Variants in TRIM33 observed in about 807,000 individuals in gnomAD.
TRIM33 encodes the protein tripartite motif containing 33, also known as E3 ubiquitin-protein ligase TRIM33.
TRIM33 carries 20 observed loss-of-function variants against 125.4 expected under a neutral mutation model. That is an observed-to-expected ratio of 0.16 (90% CI 0.11 to 0.23). The LOEUF (loss-of-function observed/expected upper bound fraction) is 0.23, where lower values mean the gene tolerates loss of function less well. TRIM33 is among the 10% of genes least tolerant of loss of function. The probability of loss-of-function intolerance (pLI) is 1.00; values close to 1 mark genes in which losing one functional copy is unlikely to be tolerated. For missense variants in TRIM33, 920 were observed against 1,411.4 expected, an observed-to-expected ratio of 0.65 and a Z score of 5.58; for synonymous variants, 564 against 513.9, an observed-to-expected ratio of 1.10 and a Z score of -1.32.
At chr1:114,497,817 G>C (rs1652459822) in intron 1 of TRIM33, among the ~76,000 whole-genome samples, 1 of 151,506 alleles carries the variant, frequency 6.6e-6, no homozygotes, top group Non-Finnish European at 1.5e-5. Flanking sequence ...CCTCATTCAA[G>C]TGGGGAGACA....
intron 15 of TRIM33, 132 bp downstream of exon 15, chr1:114,405,278 A>G (rs926561790): frequency 1.5e-5 from 10 of 671,118 alleles, no homozygotes; most frequent in Middle Eastern, 3.1e-4. Flanking sequence ...GCTAATACCA[A>G]AAGAATAACA....
chr1:114,481,907 C>A (rs953488653), intron 1 of TRIM33, among the ~76,000 whole-genome samples: 1 of 151,838 alleles, frequency 6.6e-6, no homozygotes, highest in Admixed American at 6.6e-5. Context: ...TACAGATGTG[C>A]GCCACCATGC....
chr1:114,452,160 G>C (rs1381099849), intron 4 of TRIM33, among the ~76,000 whole-genome samples: 1 of 152,032 alleles, frequency 6.6e-6, no homozygotes, highest in Non-Finnish European at 1.5e-5. Flanking sequence ...TAAAGAACAG[G>C]AAATAAACTC....
At chr1:114,402,668 GT>G in intron 16 of TRIM33, 91 bp downstream of exon 16, 1 of 1,377,288 alleles carries the variant, frequency 7.3e-7, no homozygotes, top group Non-Finnish European at 9.8e-7. Context: ...ATGTTATCAG[GT>G]TTTGTGTATG....
intron 4 of TRIM33, among the ~76,000 whole-genome samples, chr1:114,456,881 C>T (rs1302036727): frequency 2.0e-5 from 3 of 152,142 alleles, no homozygotes; most frequent in African/African-American, 7.2e-5. Flanking sequence ...ATGTGACCAA[C>T]AGGAGCTGTA....
intron 11 of TRIM33, among the ~76,000 whole-genome samples, chr1:114,414,187 T>G (rs981806985): frequency 3.9e-5 from 6 of 152,166 alleles, no homozygotes; most frequent in African/African-American, 1.4e-4. Context: ...TATTTTTGTT[T>G]TTTTCCTTTT....
intron 1 of TRIM33, among the ~76,000 whole-genome samples, chr1:114,492,652 C>T (rs1471707540): frequency 1.3e-5 from 2 of 152,176 alleles, no homozygotes; most frequent in Non-Finnish European, 2.9e-5. Flanking sequence ...CTATTCTGGA[C>T]ATTTCATGTA....
intron 18 of TRIM33, 39 bp downstream of exon 18, chr1:114,399,418 C>A: frequency 1.3e-6 from 2 of 1,544,336 alleles, no homozygotes; most frequent in Non-Finnish European, 1.7e-6. Flanking sequence ...CAAACAAAAA[C>A]TAACAAATCA....
intron 10 of TRIM33, among the ~76,000 whole-genome samples, chr1:114,424,077 CAT>C (rs1172716748): frequency 6.6e-6 from 1 of 152,056 alleles, no homozygotes; most frequent in African/African-American, 2.4e-5. Context: ...GATTATAAAA[CAT>C]GTCTCTAAAC....
chr1:114,406,933 G>A lies in TRIM33; in HGVS notation c.2418+8C>T. ...TTAAGTCCCTGTCAGACTCCAGTGGGAGCTTACCATGCAAGCACTCCTCCT... is the reference window on the plus strand; with the variant it reads ...TTAAGTCCCTGTCAGACTCCAGTGGAAGCTTACCATGCAAGCACTCCTCCT... On this transcript the variant is annotated splice_region_variant and intron_variant, in intron 14 of 19. Transcript: ENST00000358465. 2.5e-6 allele frequency: 4 copies of A among 1,612,428 alleles called. No individual in the cohort carries two copies. The highest frequency in any genetic ancestry group is 2.5e-6 in the Non-Finnish European group (3 of 1,179,044).
At chr1:114,482,260 G>A (rs1651405110) in intron 1 of TRIM33, among the ~76,000 whole-genome samples, 1 of 151,912 alleles carries the variant, frequency 6.6e-6, no homozygotes, top group Non-Finnish European at 1.5e-5. Context: ...TAGCTTCAAA[G>A]ACATATATTA....
intron 1 of TRIM33, among the ~76,000 whole-genome samples, chr1:114,466,691 A>T (rs200249291): frequency 6.2e-4 from 94 of 152,306 alleles, no homozygotes; most frequent in East Asian, 5.2e-3. Flanking sequence ...GTTGCTGGGG[A>T]CATCTGAAAG....
intron 1 of TRIM33, among the ~76,000 whole-genome samples, chr1:114,479,572 T>C (rs1270608413): frequency 2.0e-5 from 3 of 152,038 alleles, no homozygotes; most frequent in Admixed American, 2.0e-4. Context: ...AAACAAAATT[T>C]GAGAGAAAGT....
chr1:114,481,009 T>C (rs902473901), intron 1 of TRIM33, among the ~76,000 whole-genome samples: 9 of 151,912 alleles, frequency 5.9e-5, no homozygotes, highest in African/African-American at 1.7e-4. Context: ...CTGTCTCTAC[T>C]AAAAATACAA....
At chr1:114,471,969 CTATATA>C (rs1400980390) in intron 1 of TRIM33, among the ~76,000 whole-genome samples, 2 of 152,002 alleles carry the variant, frequency 1.3e-5, no homozygotes, top group Non-Finnish European at 2.9e-5. Flanking sequence ...TGTCATAAAG[CTATATA>C]TATCTTTAGT....
intron 8 of TRIM33, among the ~76,000 whole-genome samples, 184 bp from the exon 9 acceptor site, chr1:114,425,907 C>T (rs773371355): frequency 6.6e-6 from 1 of 152,122 alleles, no homozygotes; most frequent in South Asian, 2.1e-4. Flanking sequence ...CATTCCAAAG[C>T]TGAATAAATG....
rs1279310651 is a variant in TRIM33 at position 114,396,820 on chromosome 1, C to G, written c.*828G>C. On this transcript the variant is annotated 3_prime_UTR_variant, in exon 20 of 20. Transcript: ENST00000358465. ...TTCTCAAATTTAAATGTACAGAAAA[C>G]TAGATTAATTTTGAAACAAACATTC... is the stretch of plus-strand genomic sequence containing the variant. 2 of 209,482 alleles carry G rather than the reference C, an allele frequency of 9.5e-6. No individual in the cohort carries two copies. Among genetic ancestry groups the G allele is most frequent in the Non-Finnish European group, 1.9e-5 (2 of 103,058 alleles). 13.0% of individuals were successfully genotyped at this position (209,482 alleles called of 1,614,324 possible).
intron 11 of TRIM33, among the ~76,000 whole-genome samples, chr1:114,412,351 A>G (rs759240552): frequency 6.6e-6 from 1 of 152,234 alleles, no homozygotes; most frequent in African/African-American, 2.4e-5. Context: ...CTTTTTACAA[A>G]TGACATTAAG....
At chr1:114,510,044 T>A (rs59800082) in intron 1 of TRIM33, among the ~76,000 whole-genome samples, 53,690 of 151,950 alleles carry the variant, frequency 0.35, 10,165 homozygotes, top group African/African-American at 0.46. Context: ...TCTGGACCCC[T>A]TGCTCTCCAA....
Sources: allele counts gnomAD v4.1 joint callset (sites outside exome capture counted in the v4.1 genomes callset), GRCh38; gene constraint gnomAD v4.1.1; transcripts MANE v1.5; gene names NCBI Gene and HGNC (gene_info 2026-07-23, HGNC 2026-07-21).